SLC25A30: variants seen among roughly 807,000 people sequenced by gnomAD.
SLC25A30 encodes kidney mitochondrial carrier protein 1.
SLC25A30 carries 29 observed loss-of-function variants against 42.7 expected under a neutral mutation model. The observed-to-expected ratio is 0.68, with a 90% CI of 0.51 to 0.93. The LOEUF is 0.93. Ranked by LOEUF, SLC25A30 falls within the 40% of genes least tolerant of loss-of-function variation. The pLI is 0.00. For synonymous variants in SLC25A30, 124 were observed against 131.0 expected (o/e 0.95, Z 0.37); for missense variants, 300 against 359.7 (o/e 0.83, Z 1.34).
chr13:45,401,460 GC>G (rs1881973868), intron 6 of SLC25A30, among the ~76,000 whole-genome samples: 1 of 152,100 alleles, frequency 6.6e-6, no homozygotes, highest in African/African-American at 2.4e-5. Context: ...ACCTCTCAGA[GC>G]CTCCAGTTTC....
chr13:45,426,782 A>G, the SLC25A30 span, among the ~76,000 whole-genome samples: 18 of 152,200 alleles, frequency 1.2e-4, no homozygotes, highest in Non-Finnish European at 1.9e-4. Context: ...CCTTCAATTT[A>G]AAGTCACAAG....
chr13:45,423,182 A>T (rs2137718315), upstream of SLC25A30, among the ~76,000 whole-genome samples: 1 of 152,160 alleles, frequency 6.6e-6, no homozygotes, highest in South Asian at 2.1e-4. Flanking sequence ...GAGAGTTGGC[A>T]GGAAGACAGA....
upstream of SLC25A30, among the ~76,000 whole-genome samples, chr13:45,421,696 C>G (rs772624032): frequency 6.6e-6 from 1 of 152,102 alleles, no homozygotes; most frequent in Non-Finnish European, 1.5e-5. Context: ...TTAAATGAGG[C>G]GACGTGTGCA....
At position 45,411,327 on chromosome 13, in the gene SLC25A30, G is replaced by A. The variant is rs755759298; in HGVS notation, c.64+35C>T. On this transcript the variant is annotated intron_variant, in intron 2 of 9. Transcript: ENST00000519676. ...TTCACATCAAACACCATCACATACA[G>A]CAGGCTACGTGATCCACCACCCTCA... 4 of 1,391,482 alleles carry A rather than the reference G, an allele frequency of 2.9e-6. No homozygotes were observed. The South Asian group carries it at 4.6e-5, about 16-fold the overall frequency. The allele number at this position is 1,391,482 out of a possible 1,614,324, so 86.2% of individuals were successfully genotyped here.
At chr13:45,428,500 C>G in the SLC25A30 span, among the ~76,000 whole-genome samples, 1 of 149,890 alleles carries the variant, frequency 6.7e-6, no homozygotes, top group Non-Finnish European at 1.5e-5. Context: ...AGCCACCAAG[C>G]CCAGCCTTCT....
chr13:45,422,089 C>G (rs368677455), upstream of SLC25A30, among the ~76,000 whole-genome samples: 9 of 152,276 alleles, frequency 5.9e-5, no homozygotes, highest in African/African-American at 2.2e-4. Flanking sequence ...ATTTTTTACC[C>G]ACATCATGGT....
Position 45,397,275 on chromosome 13 carries a change from C to CAAGTCTCA in SLC25A30, c.809_816dup (p.Gly273Ter). The CAAGTCTCA allele has an allele frequency of 1.2e-6, 2 of 1,610,402 alleles. No homozygotes were observed. On this transcript the variant is annotated stop_gained and frameshift_variant, in exon 9 of 10. Transcript: ENST00000519676. LOFTEE classifies it high-confidence loss of function. ...AAGGATACAATGATATTCCAAGGAC[C>CAAGTCTCA]AAGTCTCAACCAATTTGGCCAAAAG...
At chr13:45,397,407 G>T in intron 8 of SLC25A30, 69 bp from the exon 9 acceptor site, 1 of 1,152,316 alleles carries the variant, frequency 8.7e-7, no homozygotes, top group Non-Finnish European at 1.3e-6. Context: ...ATAATTAGTG[G>T]CCAGGCCAGG....
At chr13:45,406,235 AC>A (rs1328702994) in intron 3 of SLC25A30, among the ~76,000 whole-genome samples, 1 of 152,064 alleles carries the variant, frequency 6.6e-6, no homozygotes, top group Non-Finnish European at 1.5e-5. Context: ...GGCACCCGCC[AC>A]CACACCTGGC....
intron 4 of SLC25A30, among the ~76,000 whole-genome samples, chr13:45,404,618 A>G (rs1882323943): frequency 6.6e-6 from 1 of 152,174 alleles, no homozygotes; most frequent in Non-Finnish European, 1.5e-5. Context: ...CAGGAGTTTG[A>G]GACCAGCCTG....
intron 8 of SLC25A30, chr13:45,397,836 C>A (rs955971325): frequency 7.9e-5 from 76 of 965,468 alleles, no homozygotes; most frequent in Non-Finnish European, 8.7e-5. Context: ...CCCAACAACC[C>A]CACACGAAGG....
the SLC25A30 span, among the ~76,000 whole-genome samples, chr13:45,429,722 C>A: frequency 6.6e-6 from 1 of 151,858 alleles, no homozygotes; most frequent in African/African-American, 2.4e-5. Context: ...ATAGTCCCAG[C>A]TACTCAGGAG....
chr13:45,394,592 G>T lies in SLC25A30; in HGVS notation c.*1382C>A. 2 of 985,356 alleles carry T rather than the reference G, an allele frequency of 2.0e-6. No individual in the cohort carries two copies. Among genetic ancestry groups the T allele is most frequent in the Non-Finnish European group, 2.4e-6 (2 of 829,934 alleles). The allele number at this position is 985,356 out of a possible 1,614,324, so 61.0% of individuals were successfully genotyped here. The stretch of plus-strand genomic sequence containing the variant: ...CCTCCCAGAAGTGGAAGTTCTTGGG[G>T]TTCTCACAGTCATCTTTTATTTTGA... On this transcript the variant is annotated 3_prime_UTR_variant, in exon 10 of 10. Coordinates refer to ENST00000519676, the MANE Select transcript of SLC25A30 (RefSeq NM_001010875.4).
chr13:45,428,023 A>G, the SLC25A30 span, among the ~76,000 whole-genome samples: 1 of 151,392 alleles, frequency 6.6e-6, no homozygotes, highest in Non-Finnish European at 1.5e-5. Flanking sequence ...GATTACAGGC[A>G]TGAGCCACCA....
the SLC25A30 span, among the ~76,000 whole-genome samples, chr13:45,428,517 C>CT: frequency 0.04 from 3,740 of 92,470 alleles, 189 homozygotes; most frequent in East Asian, 0.11. Context: ...TTCTTTTTAA[C>CT]TTTTTTTTTT....
At position 45,405,912 on chromosome 13, in the gene SLC25A30, A is replaced by C; in HGVS notation, c.278T>G (p.Leu93Trp). Reference protein sequence around the residue: ...GTIKIGTYQSLKRLFIERPED... With the variant: ...GTIKIGTYQSWKRLFIERPED... Reference sequence around the variant, plus strand: ...TGGGCGTTCAATGAATAGTCGCTTCAAGCTCTGGTAAGTGCCTATCTTGAT... The same window carrying C: ...TGGGCGTTCAATGAATAGTCGCTTCCAGCTCTGGTAAGTGCCTATCTTGAT... The change falls in exon 4 of 10, where the codon TTG (leucine) becomes TGG (tryptophan). Residue 93 changes from leucine to tryptophan, a missense_variant. Transcript: ENST00000519676. 1.2e-6 allele frequency: 2 copies of C among 1,614,200 alleles called. No individual in the cohort carries two copies. The highest frequency in any genetic ancestry group is 2.2e-5 in the South Asian group (2 of 91,084).
the SLC25A30 span, among the ~76,000 whole-genome samples, chr13:45,424,488 AATATATAAATATATAAAAAT>A: frequency 5.8e-3 from 245 of 42,364 alleles, 24 homozygotes; most frequent in African/African-American, 0.03. Context: ...TATGTATATA[AATATATAAATATATAAAAAT>A]ATATATAAAT....
chr13:45,427,503 G>A, the SLC25A30 span, among the ~76,000 whole-genome samples: 2 of 152,030 alleles, frequency 1.3e-5, no homozygotes, highest in African/African-American at 4.8e-5. Context: ...GACTTCCCCT[G>A]AAAATCATTT....
intron 1 of SLC25A30, among the ~76,000 whole-genome samples, chr13:45,413,369 A>G (rs533017829): frequency 1.3e-5 from 2 of 152,326 alleles, no homozygotes; most frequent in African/African-American, 4.8e-5. Flanking sequence ...GAACCTATTA[A>G]TAATAAATCC....
Sources: gnomAD v4.1 joint callset for allele counts (sites outside exome capture counted in the v4.1 genomes callset) on GRCh38, gnomAD v4.1.1 for gene constraint, MANE v1.5 for transcripts, NCBI Gene and HGNC (gene_info 2026-07-23, HGNC 2026-07-21) for gene names.